Variants in ROBO2 observed in about 807,000 individuals in gnomAD.
The protein encoded by ROBO2 is roundabout homolog 2.
In ROBO2, 53 loss-of-function variants were observed where a neutral mutation model predicts 160.8. The ratio of observed to expected loss-of-function variants is 0.33; its 90% confidence interval spans 0.26 to 0.41. The LOEUF is 0.41. ROBO2 is among the 10% of genes least tolerant of loss of function. ROBO2 has a pLI of 1.00. For synonymous variants in ROBO2, 664 were observed against 611.7 expected (o/e 1.09, Z -1.26); for missense variants, 1,577 against 1,722.4 (o/e 0.92, Z 1.49).
At chr3:75,980,050 T>C (rs1364187661) in intron 2 of ROBO2, among the ~76,000 whole-genome samples, 2 of 151,634 alleles carry the variant, frequency 1.3e-5, no homozygotes, top group Non-Finnish European at 3.0e-5. Flanking sequence ...CTCACATTTG[T>C]AGTAGGTGTT....
chr3:76,186,747 T>C (rs1701783648), intron 2 of ROBO2, among the ~76,000 whole-genome samples: 1 of 152,134 alleles, frequency 6.6e-6, no homozygotes, highest in Non-Finnish European at 1.5e-5. Context: ...CTAGCAAAAT[T>C]TATTCACTCC....
intron 21 of ROBO2, among the ~76,000 whole-genome samples, chr3:77,610,769 A>G (rs1212188098): frequency 7.0e-6 from 1 of 142,720 alleles, no homozygotes; most frequent in Non-Finnish European, 1.5e-5. Context: ...AAAAAAAAAG[A>G]AAATAAATAT....
rs2064043227 is a variant in ROBO2 at position 77,316,829 on chromosome 3, G to A, written c.389-160585G>A. 4 of 1,296,136 alleles carry A rather than the reference G, an allele frequency of 3.1e-6. No individual in the cohort carries two copies. The Admixed American group carries it at 6.7e-5, about 22-fold the overall frequency. The allele number at this position is 1,296,136 out of a possible 1,614,324, so 80.3% of individuals were successfully genotyped here. A position where few individuals can be genotyped will look rare whatever the true frequency, so the allele number is the denominator to read the frequency against. ...TTCTTGCCATCCAGGAGAGCTGACA[G>A]TGTCAGTTTGATACCTGGCTGCAGG... On this transcript the variant is annotated intron_variant, in intron 2 of 25. Transcript: ENST00000461745.
At chr3:76,354,063 A>G (rs1227464190) in intron 2 of ROBO2, among the ~76,000 whole-genome samples, 1 of 151,904 alleles carries the variant, frequency 6.6e-6, no homozygotes, top group Non-Finnish European at 1.5e-5. Flanking sequence ...AACTCAACAT[A>G]GACGAAGCAT....
At chr3:77,538,018 T>C (rs770487749) in intron 6 of ROBO2, among the ~76,000 whole-genome samples, 12 of 151,726 alleles carry the variant, frequency 7.9e-5, no homozygotes, top group Non-Finnish European at 7.4e-5. Flanking sequence ...TATTTTACTA[T>C]GGAATAAGGA....
At chr3:77,367,990 C>T (rs1157143307) in intron 2 of ROBO2, among the ~76,000 whole-genome samples, 1 of 152,136 alleles carries the variant, frequency 6.6e-6, no homozygotes, top group Non-Finnish European at 1.5e-5. Context: ...TTATAGGAGA[C>T]AAGAAGTATG....
intron 2 of ROBO2, chr3:76,434,831 C>T (rs1219661385): frequency 5.2e-6 from 8 of 1,550,716 alleles, no homozygotes; most frequent in South Asian, 1.1e-5. Flanking sequence ...TATCTGATGA[C>T]ATGAAGACTC....
At chr3:76,256,299 GTCTCTCTCTCTCTCTC>G (rs372215718) in intron 2 of ROBO2, among the ~76,000 whole-genome samples, 4,868 of 92,450 alleles carry the variant, frequency 0.053, 333 homozygotes, top group African/African-American at 0.15. Context: ...GACAGAGTGA[GTCTCTCTCTCTCTCTC>G]TCTCTCTCTC....
At chr3:76,455,275 C>T (rs1453752027) in intron 2 of ROBO2, among the ~76,000 whole-genome samples, 3 of 151,984 alleles carry the variant, frequency 2.0e-5, no homozygotes, top group Non-Finnish European at 4.4e-5. Context: ...ATAAATGTTT[C>T]GTTTTATCCA....
At position 77,596,215 on chromosome 3, in the gene ROBO2, G is replaced by A. The variant is rs2094299532; in HGVS notation, c.2727-408G>A. Among the ~76,000 whole-genome samples, 7 of 152,248 alleles carry A rather than the reference G, an allele frequency of 4.6e-5. No homozygotes were observed. In the South Asian group the frequency reaches 1.5e-3, roughly 32 times the overall value. On this transcript the variant is annotated intron_variant, in intron 18 of 25. Coordinates refer to ENST00000461745, the Ensembl canonical transcript of ROBO2. The stretch of plus-strand genomic sequence containing the variant: ...CATAACAAGGGTTACAGCCTAGAGG[G>A]AACAGATACGTAAGGTAGCTGCAGG...
chr3:77,534,064 T>A (rs918294427), intron 6 of ROBO2, among the ~76,000 whole-genome samples: 3 of 152,160 alleles, frequency 2.0e-5, no homozygotes, highest in Non-Finnish European at 4.4e-5. Context: ...GCAACTGGTA[T>A]TGATAAAGGA....
intron 2 of ROBO2, among the ~76,000 whole-genome samples, chr3:77,455,737 C>CTTT (rs11342818): frequency 6.8e-6 from 1 of 146,122 alleles, no homozygotes; most frequent in African/African-American, 2.5e-5. Flanking sequence ...GCCTTATACT[C>CTTT]TTTTTTTTTT....
intron 2 of ROBO2, among the ~76,000 whole-genome samples, chr3:77,152,275 T>C (rs1181247992): frequency 2.6e-5 from 4 of 152,202 alleles, no homozygotes; most frequent in Non-Finnish European, 5.9e-5. Flanking sequence ...CTAGGTTCCA[T>C]AGTAAAGAGG....
chr3:76,030,581 A>T (rs1008804897), intron 2 of ROBO2, among the ~76,000 whole-genome samples: 1 of 152,216 alleles, frequency 6.6e-6, no homozygotes, highest in East Asian at 1.9e-4. Context: ...AGCTTTCTAC[A>T]TATGGCTAGC....
At chr3:76,593,415 G>A (rs921225361) in intron 2 of ROBO2, among the ~76,000 whole-genome samples, 1 of 152,020 alleles carries the variant, frequency 6.6e-6, no homozygotes, top group African/African-American at 2.4e-5. Flanking sequence ...TGCATTTAAG[G>A]TGCCAGGATC....
intron 2 of ROBO2, among the ~76,000 whole-genome samples, chr3:76,731,418 T>C (rs886456403): frequency 3.3e-5 from 5 of 152,192 alleles, no homozygotes; most frequent in African/African-American, 1.2e-4. Context: ...GCAAATCCTA[T>C]GAGCATAGCA....
chr3:77,194,298 C>A (rs1219426955), intron 2 of ROBO2, among the ~76,000 whole-genome samples: 2 of 152,126 alleles, frequency 1.3e-5, no homozygotes, highest in African/African-American at 4.8e-5. Context: ...CTAATTAATG[C>A]CTAGTTGTCC....
intron 2 of ROBO2, among the ~76,000 whole-genome samples, chr3:76,649,534 A>C (rs2091154071): frequency 6.6e-6 from 1 of 152,084 alleles, no homozygotes; most frequent in Non-Finnish European, 1.5e-5. Flanking sequence ...AACTCACTCA[A>C]TCTTTTCTAA....
In ROBO2 at chr3:76,898,780, G is replaced by A. The variant is rs114578083; in HGVS notation, c.110-199234G>A. 8.7e-3 allele frequency among the ~76,000 whole-genome samples: 1,320 copies of A among 152,072 alleles called. 11 individuals are homozygous for A. Among genetic ancestry groups the A allele is most frequent in the Non-Finnish European group, 0.013 (863 of 67,974 alleles). On this transcript the variant is annotated intron_variant, in intron 2 of 26. Transcript: ENST00000487694. ...GAATCATTATTACATTAACTAAAAT[G>A]TTTCTGTACTTTCAAGGTCATCTCA...
Sources: gnomAD v4.1 joint callset for allele counts (sites outside exome capture counted in the v4.1 genomes callset) on GRCh38, gnomAD v4.1.1 for gene constraint, MANE v1.5 for transcripts, NCBI Gene and HGNC (gene_info 2026-07-23, HGNC 2026-07-21) for gene names.